SVEP1: variants seen among roughly 807,000 people sequenced by gnomAD.
SVEP1 encodes sushi, von Willebrand factor type A, EGF and pentraxin domain-containing protein 1.
Under a neutral mutation model 367.3 loss-of-function variants are expected in SVEP1, and 164 were observed. The ratio of observed to expected loss-of-function variants is 0.45; its 90% CI spans 0.39 to 0.51. The LOEUF is 0.51. SVEP1 is among the 20% of genes least tolerant of loss of function. SVEP1 has a pLI of 0.00. For synonymous variants in SVEP1, 1,666 were observed against 1,611.6 expected, an observed-to-expected ratio of 1.03 and a Z score of -0.81; for missense variants, 4,117 against 4,425.3, an observed-to-expected ratio of 0.93 and a Z score of 1.98.
chr9:110,447,983 A>G (rs1424904992), intron 24 of SVEP1, among the ~76,000 whole-genome samples: 1 of 152,240 alleles, frequency 6.6e-6, no homozygotes, highest in Non-Finnish European at 1.5e-5. Flanking sequence ...AATTGCAAAA[A>G]GAATATGTAT....
chr9:110,519,391 C>T (rs1186272391), intron 3 of SVEP1, among the ~76,000 whole-genome samples: 1 of 152,086 alleles, frequency 6.6e-6, no homozygotes, highest in Non-Finnish European at 1.5e-5. Context: ...TCCTATCTTC[C>T]ACTTCTGCAT....
intron 14 of SVEP1, among the ~76,000 whole-genome samples, chr9:110,474,148 G>A (rs778426851): frequency 3.3e-5 from 5 of 151,998 alleles, no homozygotes; most frequent in Non-Finnish European, 7.4e-5. Flanking sequence ...TTACAAGCAC[G>A]TGCCACCATG....
At chr9:110,540,609 T>C (rs1398908121) in intron 3 of SVEP1, among the ~76,000 whole-genome samples, 1 of 152,148 alleles carries the variant, frequency 6.6e-6, no homozygotes, top group Non-Finnish European at 1.5e-5. Flanking sequence ...ACAAGACCAC[T>C]AGCTAAAAGC....
intron 5 of SVEP1, among the ~76,000 whole-genome samples, chr9:110,511,901 G>A (rs531779557): frequency 1.4e-3 from 210 of 152,208 alleles, no homozygotes; most frequent in Non-Finnish European, 2.4e-3. Flanking sequence ...TGGGGTTTTG[G>A]AGTAGTCAAA....
intron 28 of SVEP1, 143 bp from the exon 29 acceptor site, chr9:110,435,507 C>A: frequency 1.1e-6 from 1 of 906,168 alleles, no homozygotes; most frequent in South Asian, 1.7e-5. Flanking sequence ...TCAGGGGCAG[C>A]AGGAGATTCT....
At chr9:110,397,546 G>T (rs1163031122) in intron 40 of SVEP1, among the ~76,000 whole-genome samples, 2 of 152,178 alleles carry the variant, frequency 1.3e-5, no homozygotes, top group Admixed American at 1.3e-4. Context: ...AAAAGAGGAA[G>T]TCAAATTGTC....
At chr9:110,558,794 C>T (rs1457043197) in intron 1 of SVEP1, among the ~76,000 whole-genome samples, 1 of 151,988 alleles carries the variant, frequency 6.6e-6, no homozygotes, top group East Asian at 1.9e-4. Flanking sequence ...GCTGACTAAT[C>T]TCACATAGCC....
At chr9:110,471,741 G>C in intron 15 of SVEP1, 144 bp from the exon 16 acceptor site, 1 of 663,212 alleles carries the variant, frequency 1.5e-6, no homozygotes, top group Non-Finnish European at 2.5e-6. Context: ...AATCTTTCAG[G>C]AAAAATTAAT....
intron 22 of SVEP1, among the ~76,000 whole-genome samples, chr9:110,452,807 T>G (rs1031906942): frequency 2.0e-5 from 3 of 152,232 alleles, no homozygotes; most frequent in Non-Finnish European, 4.4e-5. Context: ...GCTATCACTT[T>G]ATCAAGTGCA....
chr9:110,455,267 A>G (rs1017033735), intron 22 of SVEP1, among the ~76,000 whole-genome samples: 1 of 152,118 alleles, frequency 6.6e-6, no homozygotes, highest in African/African-American at 2.4e-5. Flanking sequence ...CCTCACCTCC[A>G]TTTTTACTAA....
chr9:110,375,419 G>T lies in SVEP1; in HGVS notation c.10549C>A (p.Pro3517Thr). ...CCAGGCGGGCAGTCACACTGGTAAG[G>T]GGCCACACAGCGACCTCCGTTCAGA... Reference protein sequence around the residue: ...PCLNGGRCVAPYQCDCPPGWT... With the variant: ...PCLNGGRCVATYQCDCPPGWT... The change falls in exon 46 of 48, where the codon CCT (proline) becomes ACT (threonine). Residue 3517 changes from proline (P) to threonine (T), a missense_variant. Pro to Thr is a conservative substitution (Grantham distance 38, BLOSUM62 -1). Coordinates refer to ENST00000374469, the MANE Select transcript of SVEP1 (RefSeq NM_153366.4). 6.7e-7 allele frequency: 1 copy of T among 1,487,084 alleles called. No individual in the cohort carries two copies. Among genetic ancestry groups the T allele is most frequent in the Non-Finnish European group, 9.0e-7 (1 of 1,109,108 alleles). 92.1% of individuals were successfully genotyped at this position (1,487,084 alleles called of 1,614,324 possible). A position where few individuals can be genotyped will look rare whatever the true frequency, so the allele number is the denominator to read the frequency against.
intron 8 of SVEP1, 111 bp downstream of exon 8, chr9:110,496,704 G>A: frequency 4.2e-6 from 3 of 706,064 alleles, no homozygotes; most frequent in Non-Finnish European, 7.1e-6. Context: ...TCCCTCTAGA[G>A]AACCCTAATA....
intron 5 of SVEP1, among the ~76,000 whole-genome samples, chr9:110,510,343 T>C (rs1829688735): frequency 6.6e-6 from 1 of 152,248 alleles, no homozygotes; most frequent in African/African-American, 2.4e-5. Flanking sequence ...TCTAAAATTG[T>C]GTAAGCTCTA....
At chr9:110,468,729 A>G (rs1828974524) in intron 17 of SVEP1, among the ~76,000 whole-genome samples, 1 of 152,264 alleles carries the variant, frequency 6.6e-6, no homozygotes, top group Admixed American at 6.5e-5. Flanking sequence ...ATAAAAATAT[A>G]CAGGTTTCCC....
intron 26 of SVEP1, among the ~76,000 whole-genome samples, chr9:110,444,305 C>T (rs892310000): frequency 1.6e-4 from 24 of 152,288 alleles, no homozygotes; most frequent in African/African-American, 5.8e-4. Flanking sequence ...AGACCACTTG[C>T]ACCTTCGCCA....
chr9:110,493,217 G>T (rs1461715293), intron 8 of SVEP1, among the ~76,000 whole-genome samples: 1 of 152,092 alleles, frequency 6.6e-6, no homozygotes, highest in South Asian at 2.1e-4. Context: ...GGGTTGGGGA[G>T]GGGGTGGTGC....
At chr9:110,390,024 T>C (rs1162027537) in intron 40 of SVEP1, among the ~76,000 whole-genome samples, 1 of 107,900 alleles carries the variant, frequency 9.3e-6, no homozygotes, top group Non-Finnish European at 2.0e-5. Flanking sequence ...TGTGTGTGTG[T>C]GTGTATATAT....
chr9:110,397,396 G>A (rs955995124), intron 40 of SVEP1, among the ~76,000 whole-genome samples: 3 of 152,112 alleles, frequency 2.0e-5, no homozygotes, highest in Admixed American at 2.0e-4. Flanking sequence ...CATACTGAAT[G>A]GGCAAAAACT....
rs562823137 is a variant in SVEP1, at chr9:110,457,522, AG to A, written c.3577-171del. 6.6e-5 allele frequency among the ~76,000 whole-genome samples: 10 copies of A among 152,296 alleles called. No homozygotes were observed. The East Asian group carries it at 1.9e-3, about 29-fold the overall frequency. ...TGAATAACACTGGTGCCTGCCATAT[AG>A]GGGAGCAAATGATATATATCATTCT... On this transcript the variant is annotated intron_variant, in intron 20 of 47. Transcript: ENST00000374469.
Sources: allele counts gnomAD v4.1 joint callset (sites outside exome capture counted in the v4.1 genomes callset), GRCh38; gene constraint gnomAD v4.1.1; transcripts MANE v1.5; gene names NCBI Gene and HGNC (gene_info 2026-07-23, HGNC 2026-07-21).